FAM184B: variants seen among roughly 807,000 people sequenced by gnomAD.
FAM184B encodes family with sequence similarity 184 member B.
A neutral mutation model predicts 135.9 loss-of-function variants in FAM184B; 111 were observed. That is an observed-to-expected ratio of 0.82 (90% CI 0.70 to 0.96). The LOEUF is 0.96. Among genes scored for constraint, FAM184B ranks in the 40% least tolerant of loss-of-function variants. The pLI is 0.00. For synonymous variants in FAM184B, 552 were observed against 524.8 expected (o/e 1.05, Z -0.71); for missense variants, 1,375 against 1,323.9 (o/e 1.04, Z -0.60).
chr4:17,642,112 C>T lies in FAM184B; in HGVS notation c.2463G>A (p.Leu821=). ...NAQLQDAVRR[L]RAEVEQHQQE... is the part of the protein sequence containing the mutation. ...GCTGATGCTGCTCCACCTCCGCGCG[C>T]AGCCGCCGCACCGCGTCCTGGAGCT... The change falls in exon 13 of 18, where the codon CTG becomes CTA. Residue 821 remains leucine, a synonymous_variant. Coordinates refer to ENST00000265018, the MANE Select transcript of FAM184B (RefSeq NM_015688.2). 6.5e-7 allele frequency: 1 copy of T among 1,532,832 alleles called. No homozygotes were observed. Among genetic ancestry groups the T allele is most frequent in the Non-Finnish European group, 8.7e-7 (1 of 1,145,344 alleles). 95.0% of individuals were successfully genotyped at this position (1,532,832 alleles called of 1,614,324 possible). A position where few individuals can be genotyped will look rare whatever the true frequency, so the allele number is the denominator to read the frequency against.
chr4:17,630,965 GTGGGCCACCTTC>G lies in FAM184B; in HGVS notation c.*1555_*1566del, dbSNP rs1205638960. 1.3e-5 allele frequency: 2 copies of G among 152,144 alleles called. No homozygotes were observed. The highest frequency in any genetic ancestry group is 2.9e-5 in the Non-Finnish European group (2 of 68,022). The allele number at this position is 152,144 out of a possible 1,614,324, so 9.4% of individuals were successfully genotyped here. ...CAATGCATAGAATTAACATTGGTTT[GTGGGCCACCTTC>G]TGGGCCAGCACCAAAGACTGAAAAA... On this transcript the variant is annotated 3_prime_UTR_variant, in exon 18 of 18. Transcript: ENST00000265018.
At position 17,781,464 on chromosome 4, in the gene FAM184B, C is replaced by T; in HGVS notation, c.-165G>A. 2.5e-6 allele frequency: 2 copies of T among 815,802 alleles called. No individual in the cohort carries two copies. The allele number at this position is 815,802 out of a possible 1,614,324, so 50.5% of individuals were successfully genotyped here. A position where few individuals can be genotyped will look rare whatever the true frequency, so the allele number is the denominator to read the frequency against. On this transcript the variant is annotated 5_prime_UTR_variant, in exon 1 of 18. Coordinates refer to ENST00000265018, the MANE Select transcript of FAM184B (RefSeq NM_015688.2). This position sits in a 1 kb window ranked among gnomAD's most constrained non-coding sequence, Gnocchi z 6.5. Reference sequence around the variant, plus strand: ...GGCCCCAGCTTCCCGAAGGTCTCCGCCTCCCGGGCCCACCCGCGCGCCCAC... The same window carrying T: ...GGCCCCAGCTTCCCGAAGGTCTCCGTCTCCCGGGCCCACCCGCGCGCCCAC...
chr4:17,708,477 T>A (rs1234074482), intron 2 of FAM184B, among the ~76,000 whole-genome samples: 6 of 151,336 alleles, frequency 4.0e-5, no homozygotes, highest in Non-Finnish European at 7.4e-5. Flanking sequence ...AGATCCTGTC[T>A]GTACTAAAAA....
intron 1 of FAM184B, among the ~76,000 whole-genome samples, chr4:17,739,344 C>T (rs925326109): frequency 2.0e-5 from 3 of 152,034 alleles, no homozygotes; most frequent in Non-Finnish European, 4.4e-5. Context: ...TCAGAATCTG[C>T]CTCTGCTGTT....
chr4:17,729,842 G>C (rs528263603), intron 1 of FAM184B, among the ~76,000 whole-genome samples: 206 of 152,318 alleles, frequency 1.4e-3, no homozygotes, highest in African/African-American at 4.7e-3. Context: ...ACTGGAAACT[G>C]TAAAAAGCAG....
chr4:17,642,041 C>T lies in FAM184B; in HGVS notation c.2519+15G>A, dbSNP rs111806721. 3.4e-4 allele frequency: 519 copies of T among 1,519,672 alleles called. 1 individual carries two copies. In the African/African-American group the frequency reaches 4.0e-3, roughly 12 times the overall value. The allele number at this position is 1,519,672 out of a possible 1,614,324, so 94.1% of individuals were successfully genotyped here. A position where few individuals can be genotyped will look rare whatever the true frequency, so the allele number is the denominator to read the frequency against. ...GTGAGGGTGGCGCGGTGGCGGGGCG[C>T]GCCGGGTCACCCACCTGCGCTGGTC... On this transcript the variant is annotated intron_variant, in intron 13 of 17. Coordinates refer to ENST00000265018, the MANE Select transcript of FAM184B (RefSeq NM_015688.2).
intron 7 of FAM184B, among the ~76,000 whole-genome samples, chr4:17,665,696 G>A (rs1010996219): frequency 4.6e-5 from 7 of 152,128 alleles, no homozygotes; most frequent in Non-Finnish European, 7.4e-5. Context: ...CCTTGATCTG[G>A]AACAAAACTG....
At chr4:17,637,573 A>G (rs990672952) in intron 14 of FAM184B, among the ~76,000 whole-genome samples, 25 of 152,180 alleles carry the variant, frequency 1.6e-4, no homozygotes, top group Admixed American at 1.0e-3. Context: ...TGAGAATTCA[A>G]TGTGATAATG....
chr4:17,652,697 G>A, intron 11 of FAM184B, 133 bp downstream of exon 11: 1 of 1,083,478 alleles, frequency 9.2e-7, no homozygotes, highest in Non-Finnish European at 1.3e-6. Flanking sequence ...CCTGGCCTGT[G>A]AGCCTGAGAT....
chr4:17,744,515 C>T (rs1309825923), intron 1 of FAM184B, among the ~76,000 whole-genome samples: 4 of 149,618 alleles, frequency 2.7e-5, no homozygotes, highest in African/African-American at 9.9e-5. Context: ...CACACACACA[C>T]CTTTCTCCAT....
chr4:17,734,122 G>A (rs1261957575), intron 1 of FAM184B, among the ~76,000 whole-genome samples: 6 of 152,188 alleles, frequency 3.9e-5, no homozygotes, highest in Non-Finnish European at 2.9e-5. Flanking sequence ...AAAACTGGCT[G>A]GCCACATGTA....
intron 10 of FAM184B, among the ~76,000 whole-genome samples, chr4:17,653,438 G>A (rs942196629): frequency 3.9e-5 from 6 of 152,214 alleles, no homozygotes; most frequent in African/African-American, 1.4e-4. Flanking sequence ...GAATGACATA[G>A]GGAAGGGTGA....
chr4:17,637,375 G>A (rs1715175533), intron 14 of FAM184B, among the ~76,000 whole-genome samples: 1 of 152,214 alleles, frequency 6.6e-6, no homozygotes, highest in African/African-American at 2.4e-5. Context: ...TGGGTGGTGA[G>A]GAGAGGAGGG....
chr4:17,707,689 G>A lies in FAM184B; in HGVS notation c.990C>T (p.Asp330=), dbSNP rs1717149389. The change falls in exon 3 of 18, where the codon GAC becomes GAT. Residue 330 remains aspartate, a synonymous_variant. Coordinates refer to ENST00000265018, the MANE Select transcript of FAM184B (RefSeq NM_015688.2). The stretch of plus-strand genomic sequence containing the variant: ...CACGACACTCCTGCAGCATCATTCT[G>A]TCTTTGGCAACAGCCAGCTTCTCCC... ...KLGEKLAVAK[D]RMMLQECRGT... 6.4e-7 allele frequency: 1 copy of A among 1,551,678 alleles called. No homozygotes were observed. The highest frequency in any genetic ancestry group is 1.2e-5 in the South Asian group (1 of 84,066).
In FAM184B at chr4:17,688,680, CTTTTT is replaced by C. The variant is rs34337003; in HGVS notation, c.1489-154_1489-150del. ...ATTCTACACACACTTCTAGAAATGCCTTTTTTTTTTTTTTTTTTTTTTTTTTTCTG... is the reference window on the plus strand; with the variant it reads ...ATTCTACACACACTTCTAGAAATGCCTTTTTTTTTTTTTTTTTTTTTTCTG... On this transcript the variant is annotated intron_variant, in intron 6 of 17. Transcript: ENST00000265018. The C allele has an allele frequency of 2.1e-3, 250 of 117,852 alleles. No individual in the cohort carries two copies. In the South Asian group the frequency reaches 0.024, roughly 11 times the overall value. 7.3% of individuals were successfully genotyped at this position (117,852 alleles called of 1,614,324 possible). A position where few individuals can be genotyped will look rare whatever the true frequency, so the allele number is the denominator to read the frequency against.
chr4:17,685,083 C>T (rs4269171), intron 7 of FAM184B, among the ~76,000 whole-genome samples: 1 of 150,838 alleles, frequency 6.6e-6, no homozygotes, highest in Non-Finnish European at 1.5e-5. Flanking sequence ...GGGAAAAGAT[C>T]TAATACATGC....
intron 5 of FAM184B, among the ~76,000 whole-genome samples, chr4:17,703,176 A>C (rs1490269015): frequency 6.6e-6 from 1 of 152,210 alleles, no homozygotes; most frequent in Non-Finnish European, 1.5e-5. Flanking sequence ...ATATTATCAC[A>C]CATTATGTTA....
At chr4:17,693,513 G>C in intron 5 of FAM184B, 101 bp from the exon 6 acceptor site, 1 of 872,066 alleles carries the variant, frequency 1.1e-6, no homozygotes, top group Non-Finnish European at 1.8e-6. Flanking sequence ...AAGCTTATGA[G>C]TGTCATACAA....
At chr4:17,660,122 C>A in intron 8 of FAM184B, 35 bp from the exon 9 acceptor site, 1 of 1,549,424 alleles carries the variant, frequency 6.5e-7, no homozygotes, top group South Asian at 1.2e-5. Context: ...CACAAAAGAT[C>A]CTAGGGCTAG....
Sources: gnomAD v4.1 joint callset for allele counts (sites outside exome capture counted in the v4.1 genomes callset) on GRCh38, gnomAD v4.1.1 for gene constraint, Gnocchi (gnomAD v3.1) non-coding constraint, MANE v1.5 for transcripts, NCBI Gene and HGNC (gene_info 2026-07-23, HGNC 2026-07-21) for gene names.